SMC4: variants seen among roughly 807,000 people sequenced by gnomAD.
The protein encoded by SMC4 is structural maintenance of chromosomes 4.
A neutral mutation model predicts 145.6 loss-of-function variants in SMC4; 87 were observed. The ratio of observed to expected loss-of-function variants is 0.60; its 90% CI spans 0.50 to 0.71. SMC4 has a LOEUF of 0.71. SMC4 is among the 30% of genes least tolerant of loss of function. The pLI is 0.00. For synonymous variants in SMC4, 558 were observed against 500.7 expected, an observed-to-expected ratio of 1.11 and a Z score of -1.53; for missense variants, 1,447 against 1,537.1, an observed-to-expected ratio of 0.94 and a Z score of 0.98.
rs1461360758 is a variant in SMC4 at position 160,400,943 on chromosome 3, G to C, written c.117G>C (p.Thr39=). The change falls in exon 2 of 24, where the codon ACG becomes ACC. Residue 39 remains threonine (T), a synonymous_variant. Coordinates refer to ENST00000357388, the MANE Select transcript of SMC4 (RefSeq NM_001002800.3). ...DAEPEPPSGR[T]ESPATAAETA... ...AGCCTGAGCCGCCGTCCGGCCGCAC[G>C]GAGAGCCCAGCCACCGCCGCAGGTG... The C allele has an allele frequency of 2.1e-6, 3 of 1,455,862 alleles. No individual in the cohort carries two copies. The highest frequency in any genetic ancestry group is 2.7e-6 in the Non-Finnish European group (3 of 1,114,500). The allele number at this position is 1,455,862 out of a possible 1,614,324, so 90.2% of individuals were successfully genotyped here. A position where few individuals can be genotyped will look rare whatever the true frequency, so the allele number is the denominator to read the frequency against.
chr3:160,410,062 C>T (rs1406114083), intron 5 of SMC4, among the ~76,000 whole-genome samples: 1 of 152,080 alleles, frequency 6.6e-6, no homozygotes, highest in Admixed American at 6.6e-5. Context: ...GGTGACAGAA[C>T]AAGACCCTGT....
chr3:160,428,699 A>G lies in SMC4; in HGVS notation c.2606-54A>G, dbSNP rs960231825. 7.5e-6 allele frequency: 11 copies of G among 1,470,218 alleles called. No homozygotes were observed. In the African/African-American group the frequency reaches 1.4e-4, roughly 19 times the overall value. 91.1% of individuals were successfully genotyped at this position (1,470,218 alleles called of 1,614,324 possible). A position where few individuals can be genotyped will look rare whatever the true frequency, so the allele number is the denominator to read the frequency against. ...AACTGAAGAAATGTACATCTAACAA[A>G]TGATGTTCATTAGCATAAAAACACA... On this transcript the variant is annotated intron_variant, in intron 17 of 23. Transcript: ENST00000357388.
At chr3:160,414,675 C>A in intron 9 of SMC4, 158 bp downstream of exon 9, 1 of 791,850 alleles carries the variant, frequency 1.3e-6, no homozygotes, top group Non-Finnish European at 2.0e-6. Context: ...TCAAGGGAAA[C>A]CTTGCTTCTA....
rs1716162291 is a variant in SMC4, at chr3:160,412,863, T to C, written c.980+410T>C. 3.1e-6 allele frequency: 3 copies of C among 958,640 alleles called. No individual in the cohort carries two copies. The South Asian group carries it at 1.3e-4, about 43-fold the overall frequency. The allele number at this position is 958,640 out of a possible 1,614,324, so 59.4% of individuals were successfully genotyped here. A position where few individuals can be genotyped will look rare whatever the true frequency, so the allele number is the denominator to read the frequency against. On this transcript the variant is annotated intron_variant, in intron 7 of 23. Coordinates refer to ENST00000357388, the MANE Select transcript of SMC4 (RefSeq NM_001002800.3). ...TTAAGTTGGGAGGTAGGTTCACAGG[T>C]ATTTATTACTGTACTCAGTCCTTTT...
rs538040317 is a variant in SMC4 at position 160,431,736 on chromosome 3, G to A, written c.3208G>A (p.Asp1070Asn). The A allele has an allele frequency of 6.8e-6, 11 of 1,614,006 alleles. No individual in the cohort carries two copies. The highest frequency in any genetic ancestry group is 1.1e-5 in the South Asian group (1 of 91,046). The change falls in exon 21 of 24, where the codon GAT (aspartate) becomes AAT (asparagine). Residue 1070 changes from aspartate (D) to asparagine (N), a missense_variant. Physicochemically the swap from Asp to Asn is conservative, Grantham distance 23 (BLOSUM62 1). Coordinates refer to ENST00000357388, the MANE Select transcript of SMC4 (RefSeq NM_001002800.3). ...PEDLEAIKNPDSITNQIALLE... is the reference protein window; with the variant it reads ...PEDLEAIKNPNSITNQIALLE... ...GGATCTTGAAGCGATCAAGAATCCA[G>A]ATTCTATAACAAATCAAATTGCACT... is the stretch of plus-strand genomic sequence containing the variant.
rs1716942949 is a variant in SMC4 at position 160,419,512 on chromosome 3, C to T, written c.1826C>T (p.Ser609Phe). Reference sequence around the variant, plus strand: ...GATGCAATAATTCAAGAAAAAAAATCTGGCAGGATTCCAGGAATATATGGA... The same window carrying T: ...GATGCAATAATTCAAGAAAAAAAATTTGGCAGGATTCCAGGAATATATGGA... The part of the protein sequence containing the change: ...VLDAIIQEKK[S>F]GRIPGIYGRL... Residue 609 changes from serine (S) to phenylalanine (F), a missense_variant, in exon 12 of 24, where the codon TCT (serine) becomes TTT (phenylalanine). Ser to Phe is a radical substitution (Grantham distance 155). Transcript: ENST00000357388. 1.9e-6 allele frequency: 3 copies of T among 1,603,330 alleles called. No homozygotes were observed. Among genetic ancestry groups the T allele is most frequent in the East Asian group, 2.2e-5 (1 of 44,630 alleles).
In SMC4 at chr3:160,432,407, T is replaced by A. The variant is rs373781280; in HGVS notation, c.3422T>A (p.Ile1141Lys). 79 of 1,612,652 alleles carry A rather than the reference T, an allele frequency of 4.9e-5. No individual in the cohort carries two copies. The highest frequency in any genetic ancestry group is 6.4e-5 in the Non-Finnish European group (76 of 1,178,996). The change falls in exon 22 of 24, where the codon ATA becomes AAA. Residue 1141 changes from isoleucine (I) to lysine (K), a missense_variant. Transcript: ENST00000357388. The part of the protein sequence containing the change: ...RLNEFMAGFY[I>K]ITNKLKENYQ... The stretch of plus-strand genomic sequence containing the variant: ...AATGAATTTATGGCAGGTTTTTATA[T>A]AATAACAAATAAATTAAAGGAAAAT...
At chr3:160,402,389 T>A (rs898688723) in intron 3 of SMC4, among the ~76,000 whole-genome samples, 1 of 152,228 alleles carries the variant, frequency 6.6e-6, no homozygotes, top group African/African-American at 2.4e-5. Flanking sequence ...TGGATAATTT[T>A]TTTTTCTTAA....
At position 160,434,593 on chromosome 3, in the gene SMC4, A is replaced by G. The variant is rs181064192; in HGVS notation, c.*784A>G. On this transcript the variant is annotated 3_prime_UTR_variant, in exon 24 of 24. Transcript: ENST00000357388. ...GTAGTCCCACTGTTGAGGAGCATCT[A>G]TTTAGGGGTTAATTACTTTAGTAAT... 1.3e-3 allele frequency: 200 copies of G among 152,238 alleles called. 1 individual carries two copies. Among genetic ancestry groups the G allele is most frequent in the African/African-American group, 4.6e-3 (191 of 41,496 alleles). The allele number at this position is 152,238 out of a possible 1,614,324, so 9.4% of individuals were successfully genotyped here.
At chr3:160,424,049 G>A (rs1717495604) in intron 15 of SMC4, among the ~76,000 whole-genome samples, 1 of 151,972 alleles carries the variant, frequency 6.6e-6, no homozygotes, top group East Asian at 1.9e-4. Flanking sequence ...TATGCTCAAA[G>A]TACACTTTTT....
At chr3:160,426,655 T>C (rs1717828138) in intron 17 of SMC4, among the ~76,000 whole-genome samples, 1 of 152,070 alleles carries the variant, frequency 6.6e-6, no homozygotes, top group Admixed American at 6.5e-5. Flanking sequence ...GTTATAGACA[T>C]GTAAATGTTC....
At chr3:160,423,395 GTTT>G (rs1339109002) in intron 13 of SMC4, 27 bp from the exon 14 acceptor site, 6 of 942,860 alleles carry the variant, frequency 6.4e-6, no homozygotes, top group Non-Finnish European at 8.6e-6. Flanking sequence ...GTTAACTGTT[GTTT>G]TTGTTTGTTT....
intron 2 of SMC4, 58 bp downstream of exon 2, chr3:160,401,023 C>G: frequency 1.5e-6 from 2 of 1,358,338 alleles, no homozygotes; most frequent in South Asian, 3.6e-5. Flanking sequence ...CAGGCAAACG[C>G]GCCCAGCCCG....
intron 5 of SMC4, among the ~76,000 whole-genome samples, chr3:160,405,498 A>G (rs915498446): frequency 3.3e-5 from 5 of 152,052 alleles, no homozygotes; most frequent in Admixed American, 6.5e-5. Context: ...GATGTTCCTA[A>G]TAACAAACTT....
chr3:160,416,330 AG>A lies in SMC4; in HGVS notation c.1354del (p.Glu452LysfsTer9), dbSNP rs1332364023. 1 of 1,607,060 alleles carries A rather than the reference AG, an allele frequency of 6.2e-7. No homozygotes were observed. Among genetic ancestry groups the A allele is most frequent in the Non-Finnish European group, 8.5e-7 (1 of 1,176,152 alleles). Reference sequence around the variant, plus strand: ...ACAACCAGAAACAATGCCCTCGAGAAGGAAAAAGAGAAAGAAGAAAAAAAAT... The same window carrying A: ...ACAACCAGAAACAATGCCCTCGAGAAGAAAAAGAGAAAGAAGAAAAAAAAT... ...ETTTRNNALE[K>X]EKEKEEKKLK... is the part of the protein sequence containing the mutation. On this transcript the variant is annotated frameshift_variant, in exon 10 of 24. Coordinates refer to ENST00000357388, the MANE Select transcript of SMC4 (RefSeq NM_001002800.3). LOFTEE classifies it high-confidence loss of function.
chr3:160,426,598 AAT>A (rs906221058), intron 17 of SMC4, among the ~76,000 whole-genome samples: 4 of 151,850 alleles, frequency 2.6e-5, no homozygotes, highest in Admixed American at 1.3e-4. Context: ...GAAAACTTAA[AAT>A]ATATATATAT....
rs546170813 is a variant in SMC4 at position 160,432,091 on chromosome 3, A to G, written c.3298-192A>G. ...GTGGCACGTGCCTGTAATCCCGGGT[A>G]CTCGGGAGGCTGAGGCAGGAGAATC... On this transcript the variant is annotated intron_variant, in intron 21 of 23. Coordinates refer to ENST00000357388, the MANE Select transcript of SMC4 (RefSeq NM_001002800.3). 2.6e-5 allele frequency among the ~76,000 whole-genome samples: 4 copies of G among 152,232 alleles called. 1 individual carries two copies. In the South Asian group the frequency reaches 8.3e-4, roughly 32 times the overall value.
chr3:160,430,199 A>G (rs1224312496), intron 18 of SMC4, among the ~76,000 whole-genome samples: 1 of 152,114 alleles, frequency 6.6e-6, no homozygotes, highest in Non-Finnish European at 1.5e-5. Flanking sequence ...ATAAGGGAGA[A>G]GTAGTGTCTT....
At chr3:160,416,705 T>C (rs1220385356) in intron 10 of SMC4, 2 of 175,010 alleles carry the variant, frequency 1.1e-5, no homozygotes, top group Admixed American at 1.2e-4. Context: ...AATCATCATA[T>C]TTTGTTGCCA....
Sources: allele counts gnomAD v4.1 joint callset (sites outside exome capture counted in the v4.1 genomes callset), GRCh38; gene constraint gnomAD v4.1.1; transcripts MANE v1.5; gene names NCBI Gene and HGNC (gene_info 2026-07-23, HGNC 2026-07-21).